CENPW: variants seen among roughly 807,000 people sequenced by gnomAD.
CENPW encodes centromere protein W, also known as cancer-up-regulated gene 2 protein.
CENPW carries 3 observed loss-of-function variants against 11.1 expected under a neutral mutation model. The ratio of observed to expected loss-of-function variants is 0.27; its 90% CI spans 0.12 to 0.70. The LOEUF is 0.70. CENPW is among the 30% of genes least tolerant of loss of function. The pLI is 0.77. For missense variants in CENPW, 100 were observed against 105.6 expected (o/e 0.95, Z 0.23); for synonymous variants, 38 against 42.0 (o/e 0.91, Z 0.37).
At chr6:126,465,219 A>T in the CENPW span, among the ~76,000 whole-genome samples, 2 of 152,152 alleles carry the variant, frequency 1.3e-5, no homozygotes, top group African/African-American at 4.8e-5. Flanking sequence ...AAATTATTAA[A>T]AATTTTAACT....
At chr6:126,480,360 G>T in the CENPW span, among the ~76,000 whole-genome samples, 1 of 152,006 alleles carries the variant, frequency 6.6e-6, no homozygotes, top group Non-Finnish European at 1.5e-5. Context: ...AATAAGGAAA[G>T]TTTCTTAACC....
chr6:126,340,466 C>CT (rs1780281447), intron 1 of CENPW, 67 bp downstream of exon 1: 1 of 1,610,956 alleles, frequency 6.2e-7, no homozygotes. Flanking sequence ...AACCTTAAGC[C>CT]TTTGTTTTTC....
the CENPW span, among the ~76,000 whole-genome samples, chr6:126,430,963 A>T: frequency 6.6e-6 from 1 of 152,076 alleles, no homozygotes; most frequent in Non-Finnish European, 1.5e-5. Flanking sequence ...ATAAGTAAAG[A>T]TTATTATTGA....
At chr6:126,361,096 G>A in the CENPW span, among the ~76,000 whole-genome samples, 1 of 152,156 alleles carries the variant, frequency 6.6e-6, no homozygotes, top group South Asian at 2.1e-4. Flanking sequence ...GGTTCATTTC[G>A]CGATGCATTC....
the CENPW span, among the ~76,000 whole-genome samples, chr6:126,404,929 C>T: frequency 1.3e-5 from 2 of 150,568 alleles, no homozygotes; most frequent in Non-Finnish European, 3.0e-5. Flanking sequence ...AATACTTTGC[C>T]AATATTTCCT....
chr6:126,386,539 G>A, the CENPW span, among the ~76,000 whole-genome samples: 4 of 152,038 alleles, frequency 2.6e-5, no homozygotes, highest in East Asian at 1.9e-4. Context: ...TGTACACTGC[G>A]CCTTCTGCCA....
chr6:126,466,852 A>T, the CENPW span, among the ~76,000 whole-genome samples: 1 of 152,136 alleles, frequency 6.6e-6, no homozygotes, highest in Non-Finnish European at 1.5e-5. Flanking sequence ...CAAGAGCCAA[A>T]CCAAGAGCCA....
chr6:126,447,056 T>A, the CENPW span, among the ~76,000 whole-genome samples: 12 of 151,156 alleles, frequency 7.9e-5, no homozygotes, highest in Non-Finnish European at 1.3e-4. Context: ...CTACCTGCTG[T>A]TATAGGGGGA....
At chr6:126,391,222 A>G in the CENPW span, among the ~76,000 whole-genome samples, 16 of 152,144 alleles carry the variant, frequency 1.1e-4, no homozygotes, top group African/African-American at 3.9e-4. Flanking sequence ...TCTGATGATC[A>G]GTGATGTTGA....
the CENPW span, among the ~76,000 whole-genome samples, chr6:126,393,431 C>T: frequency 6.6e-6 from 1 of 151,362 alleles, no homozygotes; most frequent in Non-Finnish European, 1.5e-5. Flanking sequence ...CTATAAACCC[C>T]TCCCTCAGTA....
the CENPW span, among the ~76,000 whole-genome samples, chr6:126,410,014 G>A: frequency 6.6e-6 from 1 of 151,686 alleles, no homozygotes; most frequent in African/African-American, 2.4e-5. Context: ...TTATCATCGT[G>A]ATATGGTGGT....
At chr6:126,456,456 C>T in the CENPW span, among the ~76,000 whole-genome samples, 1 of 151,328 alleles carries the variant, frequency 6.6e-6, no homozygotes, top group Admixed American at 6.6e-5. Context: ...AATGAGGAAA[C>T]AATTCCCTTT....
chr6:126,454,278 A>G, the CENPW span, among the ~76,000 whole-genome samples: 1 of 151,448 alleles, frequency 6.6e-6, no homozygotes, highest in Non-Finnish European at 1.5e-5. Flanking sequence ...GATTCTTCTC[A>G]TGTGCACATG....
At chr6:126,408,235 A>C in the CENPW span, among the ~76,000 whole-genome samples, 1 of 152,194 alleles carries the variant, frequency 6.6e-6, no homozygotes, top group Non-Finnish European at 1.5e-5. Flanking sequence ...CCACTAAAGA[A>C]AACATACTCA....
the CENPW span, among the ~76,000 whole-genome samples, chr6:126,412,834 T>C: frequency 6.6e-6 from 1 of 152,142 alleles, no homozygotes; most frequent in African/African-American, 2.4e-5. Flanking sequence ...CTCTTCAGAC[T>C]TACTGTTGAG....
chr6:126,341,518 C>T (rs1328080633), intron 1 of CENPW, among the ~76,000 whole-genome samples: 1 of 152,118 alleles, frequency 6.6e-6, no homozygotes, highest in East Asian at 1.9e-4. Flanking sequence ...AGCCAAAACA[C>T]AACAAAAACA....
the CENPW span, among the ~76,000 whole-genome samples, chr6:126,406,802 A>G: frequency 1.3e-5 from 2 of 152,142 alleles, no homozygotes; most frequent in African/African-American, 4.8e-5. Flanking sequence ...CAGTGAGCCA[A>G]GATTGCACCA....
the CENPW span, among the ~76,000 whole-genome samples, chr6:126,394,042 G>A: frequency 5.9e-5 from 9 of 151,806 alleles, no homozygotes; most frequent in South Asian, 2.1e-4. Context: ...AAGTATGTTT[G>A]TTGTAGGCAA....
At position 126,344,592 on chromosome 6, in the gene CENPW, A is replaced by G. The variant is rs139081739; in HGVS notation, c.127-1613A>G. Reference sequence around the variant, plus strand: ...TGAAAGTTTAAAAAATAATTGGCACAGTATAATGTAAATAATTGGAATTGG... The same window carrying G: ...TGAAAGTTTAAAAAATAATTGGCACGGTATAATGTAAATAATTGGAATTGG... On this transcript the variant is annotated intron_variant, in intron 1 of 2. Coordinates refer to ENST00000368328, the MANE Select transcript of CENPW (RefSeq NM_001012507.4). 4.6e-5 allele frequency among the ~76,000 whole-genome samples: 7 copies of G among 152,368 alleles called. No individual in the cohort carries two copies. In the East Asian group the frequency reaches 1.3e-3, roughly 29 times the overall value.
Sources: allele counts gnomAD v4.1 joint callset (sites outside exome capture counted in the v4.1 genomes callset), GRCh38; gene constraint gnomAD v4.1.1; transcripts MANE v1.5; gene names NCBI Gene and HGNC (gene_info 2026-07-23, HGNC 2026-07-21).